BRPF3: variants seen among roughly 807,000 people sequenced by gnomAD.
BRPF3 encodes bromodomain and PHD finger containing 3.
A neutral mutation model predicts 102.0 loss-of-function variants in BRPF3; 18 were observed. The observed-to-expected ratio is 0.18, with a 90% CI of 0.12 to 0.26. The LOEUF (loss-of-function observed/expected upper bound fraction) is 0.26, where lower values mean the gene tolerates loss of function less well. Among genes scored for constraint, BRPF3 ranks in the 10% least tolerant of loss-of-function variants. The pLI, the probability that BRPF3 is intolerant of heterozygous loss-of-function variation, is 1.00. For synonymous variants in BRPF3, 570 were observed against 614.2 expected (o/e 0.93, Z 1.06); for missense variants, 1,147 against 1,567.8 (o/e 0.73, Z 4.53).
chr6:36,210,568 G>GAGGGGCCAGGAA lies in BRPF3; in HGVS notation c.2179+40_2179+41insAGGGGCCAGGAA. ...TGGGTGGGGAGGAGAGGGGCCAGGA[G>GAGGGGCCAGGAA]GAGGCACAGGAACAGAGTCTACAGA... On this transcript the variant is annotated intron_variant, in intron 6 of 12. Transcript: ENST00000357641. The surrounding 1 kb of genome is among the most constrained non-coding windows in gnomAD (Gnocchi z 4.7). 6.5e-7 allele frequency: 1 copy of GAGGGGCCAGGAA among 1,538,550 alleles called. No individual in the cohort carries two copies. Among genetic ancestry groups the GAGGGGCCAGGAA allele is most frequent in the East Asian group, 2.2e-5 (1 of 44,552 alleles).
chr6:36,230,442 G>A lies in BRPF3; in HGVS notation c.3451G>A (p.Asp1151Asn), dbSNP rs769456506. 3 of 1,614,002 alleles carry A rather than the reference G, an allele frequency of 1.9e-6. No individual in the cohort carries two copies. Among genetic ancestry groups the A allele is most frequent in the African/African-American group, 2.7e-5 (2 of 74,922 alleles). Reference sequence around the variant, plus strand: ...GCATTTCAGGCAGTGGCTTCCAAGGGACAAAGTCCTGCCCTTGGGTGTGGA... The same window carrying A: ...GCATTTCAGGCAGTGGCTTCCAAGGAACAAAGTCCTGCCCTTGGGTGTGGA... Reference protein sequence around the residue: ...NKRTWQWLPRDKVLPLGVEDT... With the variant: ...NKRTWQWLPRNKVLPLGVEDT... The change falls in exon 13 of 13, where the codon GAC becomes AAC. Residue 1151 changes from aspartate to asparagine, a missense_variant. Asp to Asn is a conservative substitution (Grantham distance 23). Around this residue, in one of 11 missense-constraint regions of BRPF3, gnomAD observed 85 missense variants for 172.9 expected, o/e 0.49. Transcript: ENST00000357641. This position sits in a 1 kb window ranked among gnomAD's most constrained non-coding sequence, Gnocchi z 5.4.
intron 3 of BRPF3, among the ~76,000 whole-genome samples, chr6:36,206,549 C>G (rs566584069): frequency 6.6e-6 from 1 of 152,320 alleles, no homozygotes; most frequent in Admixed American, 6.5e-5. Context: ...CATCTCTGTT[C>G]TGGCCAGCCT....
intron 10 of BRPF3, among the ~76,000 whole-genome samples, chr6:36,224,047 T>G (rs1440403079): frequency 2.0e-5 from 3 of 152,228 alleles, no homozygotes; most frequent in African/African-American, 7.2e-5. Context: ...TAGTATCTTA[T>G]AATTTTAATA....
At position 36,217,904 on chromosome 6, in the gene BRPF3, G is replaced by GAGAGCGAAGGGGAGA; in HGVS notation, c.2990-13_2990-12insAGAGCGAAGGGGAGA. On this transcript the variant is annotated splice_polypyrimidine_tract_variant and intron_variant, in intron 8 of 12. Transcript: ENST00000357641. ...ATTTCTGCACTCAGACTCACTGTGTGTGTCCTTGGCAGGCATGACCAACGG... is the reference window on the plus strand; with the variant it reads ...ATTTCTGCACTCAGACTCACTGTGTGAGAGCGAAGGGGAGATGTCCTTGGCAGGCATGACCAACGG... 6.2e-7 allele frequency: 1 copy of GAGAGCGAAGGGGAGA among 1,611,898 alleles called. No homozygotes were observed. Among genetic ancestry groups the GAGAGCGAAGGGGAGA allele is most frequent in the Non-Finnish European group, 8.5e-7 (1 of 1,178,688 alleles).
Position 36,214,145 on chromosome 6 carries a change from C to A in BRPF3, c.2748C>A (p.Ala916=). ...RLSLMAPDTP[A]GTPLSGVGRR... ...CCCTCATGGCCCCTGACACCCCGGC[C>A]GGTACCCCACTTAGTGGTGTGGGTC... The change falls in exon 8 of 13, where the codon GCC becomes GCA. Residue 916 remains alanine, a synonymous_variant. Transcript: ENST00000357641. 1 of 1,614,224 alleles carries A rather than the reference C, an allele frequency of 6.2e-7. No individual in the cohort carries two copies. The highest frequency in any genetic ancestry group is 1.3e-5 in the African/African-American group (1 of 75,054).
chr6:36,202,142 C>T (rs1025561483), intron 2 of BRPF3, among the ~76,000 whole-genome samples: 9 of 152,146 alleles, frequency 5.9e-5, no homozygotes, highest in Non-Finnish European at 1.2e-4. Flanking sequence ...AAATGCCAGT[C>T]GCATCCCCTC....
intron 10 of BRPF3, among the ~76,000 whole-genome samples, chr6:36,223,214 G>C (rs931420395): frequency 1.3e-5 from 2 of 152,144 alleles, no homozygotes; most frequent in Admixed American, 1.3e-4. Context: ...AGGCTGCAGG[G>C]CTTCTCTTCC....
intron 2 of BRPF3, 89 bp from the exon 3 acceptor site, chr6:36,204,569 G>T: frequency 6.8e-7 from 1 of 1,476,490 alleles, no homozygotes; most frequent in East Asian, 2.3e-5. Flanking sequence ...ATAAGGTTCA[G>T]AAATGAACCA....
intron 9 of BRPF3, 60 bp from the exon 10 acceptor site, chr6:36,222,108 G>A: frequency 1.3e-6 from 2 of 1,489,552 alleles, no homozygotes; most frequent in Non-Finnish European, 1.8e-6. Flanking sequence ...GAGAAGGGGA[G>A]TCGGCGTTTT....
In BRPF3 at chr6:36,230,296, C is replaced by A; in HGVS notation, c.3435-130C>A. 2 of 782,812 alleles carry A rather than the reference C, an allele frequency of 2.6e-6. No homozygotes were observed. The highest frequency in any genetic ancestry group is 4.1e-6 in the Non-Finnish European group (2 of 482,704). 48.5% of individuals were successfully genotyped at this position (782,812 alleles called of 1,614,324 possible). On this transcript the variant is annotated intron_variant, in intron 12 of 12. Coordinates refer to ENST00000357641, the MANE Select transcript of BRPF3 (RefSeq NM_015695.3). The surrounding 1 kb of genome is among the most constrained non-coding windows in gnomAD (Gnocchi z 5.4). ...TCTTGGTGGCCTCCTGCATGGAGTCCCCCAATTTGCTTCCCTCTGCCCTGT... is the reference window on the plus strand; with the variant it reads ...TCTTGGTGGCCTCCTGCATGGAGTCACCCAATTTGCTTCCCTCTGCCCTGT...
chr6:36,222,368 T>C, intron 10 of BRPF3, 103 bp downstream of exon 10: 1 of 1,083,654 alleles, frequency 9.2e-7, no homozygotes, highest in Non-Finnish European at 1.4e-6. Context: ...CAGCCAGTCC[T>C]TGAGCTCCCC....
Position 36,210,054 on chromosome 6 carries a change from C to G in BRPF3, c.1866+139C>G. ...GTCTGGCAAAGCTAGTAGACTTGCC[C>G]TTGATGAGGGGTCAGCAGGCCAGGG... On this transcript the variant is annotated intron_variant, in intron 5 of 12. Transcript: ENST00000357641. The surrounding 1 kb of genome is among the most constrained non-coding windows in gnomAD (Gnocchi z 4.7). 7.1e-7 allele frequency: 1 copy of G among 1,418,122 alleles called. No homozygotes were observed. Among genetic ancestry groups the G allele is most frequent in the Non-Finnish European group, 9.7e-7 (1 of 1,029,962 alleles). The allele number at this position is 1,418,122 out of a possible 1,614,324, so 87.8% of individuals were successfully genotyped here.
chr6:36,200,289 C>T lies in BRPF3; in HGVS notation c.-26-8C>T. 6.3e-7 allele frequency: 1 copy of T among 1,584,410 alleles called. No homozygotes were observed. The highest frequency in any genetic ancestry group is 8.6e-7 in the Non-Finnish European group (1 of 1,165,364). The stretch of plus-strand genomic sequence containing the variant: ...CCAACTCATAGTCTCCTGGCCTTCT[C>T]TCCTTAGGCCTGTCCCCTCAGTTCC... On this transcript the variant is annotated splice_region_variant and splice_polypyrimidine_tract_variant and intron_variant, in intron 1 of 12. Coordinates refer to ENST00000357641, the MANE Select transcript of BRPF3 (RefSeq NM_015695.3). This position sits in a 1 kb window ranked among gnomAD's most constrained non-coding sequence, Gnocchi z 5.3.
intron 11 of BRPF3, 97 bp from the exon 12 acceptor site, chr6:36,228,805 T>C: frequency 2.2e-6 from 3 of 1,391,752 alleles, no homozygotes; most frequent in Non-Finnish European, 3.0e-6. Flanking sequence ...GGCCTGATAC[T>C]CCCCTGGTGT....
At chr6:36,207,236 A>G in intron 3 of BRPF3, 77 bp from the exon 4 acceptor site, 3 of 1,552,272 alleles carry the variant, frequency 1.9e-6, no homozygotes, top group Non-Finnish European at 2.6e-6. Context: ...TACCTGCTGC[A>G]GCCCCGTGAG....
chr6:36,226,401 C>T (rs1317333151), intron 11 of BRPF3, among the ~76,000 whole-genome samples: 1 of 152,172 alleles, frequency 6.6e-6, no homozygotes, highest in East Asian at 1.9e-4. Flanking sequence ...TAGTGTCCAC[C>T]TAGCTCTGGA....
chr6:36,216,479 A>AG (rs1297679253), intron 8 of BRPF3, among the ~76,000 whole-genome samples: 1 of 152,172 alleles, frequency 6.6e-6, no homozygotes, highest in African/African-American at 2.4e-5. Context: ...GTTGAATCTC[A>AG]CAAAAAGAGG....
At chr6:36,226,419 A>G (rs1768741867) in intron 11 of BRPF3, among the ~76,000 whole-genome samples, 1 of 152,200 alleles carries the variant, frequency 6.6e-6, no homozygotes. Context: ...GGAAGATACC[A>G]CTGATACTAA....
intron 3 of BRPF3, among the ~76,000 whole-genome samples, chr6:36,206,177 T>C (rs978744033): frequency 4.6e-5 from 7 of 152,230 alleles, no homozygotes; most frequent in Admixed American, 1.3e-4. Context: ...AATTCTTTCT[T>C]TGATCTTCAA....
Sources: allele counts gnomAD v4.1 joint callset (sites outside exome capture counted in the v4.1 genomes callset), GRCh38; gene constraint gnomAD v4.1.1; regional missense constraint gnomAD v4.1.1; non-coding constraint Gnocchi (gnomAD v3.1); transcripts MANE v1.5; gene names NCBI Gene and HGNC (gene_info 2026-07-23, HGNC 2026-07-21).